The following IGSF10 variants were observed in gnomAD, a reference collection of about 807,000 sequenced individuals.
IGSF10 encodes immunoglobulin superfamily member 10.
A neutral mutation model predicts 128.2 loss-of-function variants in IGSF10; 126 were observed. The ratio of observed to expected loss-of-function variants is 0.98; its 90% CI spans 0.85 to 1.14. The LOEUF (loss-of-function observed/expected upper bound fraction) is 1.14. IGSF10 is among the 50% of genes most tolerant of loss of function. The pLI is 0.00. For synonymous variants in IGSF10, 1,185 were observed against 1,146.2 expected (o/e 1.03, Z -0.68); for missense variants, 3,295 against 3,149.8 (o/e 1.05, Z -1.10).
the IGSF10 span, among the ~76,000 whole-genome samples, chr3:151,540,861 G>A: frequency 2.0e-5 from 3 of 152,278 alleles, no homozygotes; most frequent in Admixed American, 2.0e-4. Flanking sequence ...ATGGCAAAAG[G>A]AACTTTCAGA....
chr3:151,457,412 T>TTA (rs1232316287), intron 3 of IGSF10, among the ~76,000 whole-genome samples: 1 of 152,180 alleles, frequency 6.6e-6, no homozygotes, highest in Non-Finnish European at 1.5e-5. Context: ...TTTCAAACTT[T>TTA]TATATATATG....
chr3:151,610,495 C>G, the IGSF10 span, among the ~76,000 whole-genome samples: 2 of 152,076 alleles, frequency 1.3e-5, no homozygotes, highest in Non-Finnish European at 2.9e-5. Flanking sequence ...GCTAGTCAGA[C>G]TTTCTTAGAT....
At chr3:151,497,579 C>G in the IGSF10 span, among the ~76,000 whole-genome samples, 1 of 152,098 alleles carries the variant, frequency 6.6e-6, no homozygotes, top group African/African-American at 2.4e-5. Context: ...GTTACTGTAG[C>G]CTTGTAGTAT....
chr3:151,446,754 G>T lies in IGSF10; in HGVS notation c.3227C>A (p.Thr1076Lys), dbSNP rs1484122911. 2 of 1,614,160 alleles carry T rather than the reference G, an allele frequency of 1.2e-6. No individual in the cohort carries two copies. Among genetic ancestry groups the T allele is most frequent in the Non-Finnish European group, 1.7e-6 (2 of 1,180,004 alleles). ...AGCACTTGGAAAAGACAATGCTGCT[G>T]TGGCAGTGGTGAGCCTCTCCCTGGG... ...CLPRERLTTATAALSFPSAAP... is the reference protein window; with the variant it reads ...CLPRERLTTAKAALSFPSAAP... Residue 1076 changes from threonine to lysine, a missense_variant, in exon 6 of 8, where the codon ACA becomes AAA. Thr to Lys is a moderately conservative substitution (Grantham distance 78). Transcript: ENST00000282466.
At chr3:151,563,159 T>C in the IGSF10 span, among the ~76,000 whole-genome samples, 1 of 152,036 alleles carries the variant, frequency 6.6e-6, no homozygotes, top group African/African-American at 2.4e-5. Flanking sequence ...GTTAATGCTC[T>C]CAGGTGTGTC....
At chr3:151,435,145 C>T (rs1028366167), downstream of IGSF10, 1 of 149,506 alleles carries the variant, frequency 6.7e-6, no homozygotes, top group African/African-American at 2.5e-5. Flanking sequence ...TGTGGCAGAA[C>T]CTGGTACTTT....
At chr3:151,573,517 T>A in the IGSF10 span, among the ~76,000 whole-genome samples, 1 of 152,230 alleles carries the variant, frequency 6.6e-6, no homozygotes, top group Non-Finnish European at 1.5e-5. Context: ...TTTGTTGGTT[T>A]AAAGTGTGTT....
the IGSF10 span, among the ~76,000 whole-genome samples, chr3:151,600,889 C>A: frequency 6.6e-6 from 1 of 152,044 alleles, no homozygotes. Flanking sequence ...GTTTAAAGGT[C>A]ATTTCCTTTT....
chr3:151,575,377 C>T, the IGSF10 span, among the ~76,000 whole-genome samples: 1 of 152,168 alleles, frequency 6.6e-6, no homozygotes. Flanking sequence ...CGGTGGGCTC[C>T]ATCTAGTTCG....
chr3:151,538,857 CA>C, the IGSF10 span, among the ~76,000 whole-genome samples: 7 of 152,080 alleles, frequency 4.6e-5, no homozygotes, highest in Non-Finnish European at 1.0e-4. Context: ...TCACAGGCAG[CA>C]AGGGCTCAGG....
rs770450966 is a variant in IGSF10 at position 151,448,701 on chromosome 3, G to A, written c.1280C>T (p.Ser427Phe). ...NIEADLRADP[S>F]WLMQDQISLQ... ...GGAAATTTGGTCTTGCATTAACCAAGAGGGATCTGCTCTGAGATCTGCCTC... is the reference window on the plus strand; with the variant it reads ...GGAAATTTGGTCTTGCATTAACCAAAAGGGATCTGCTCTGAGATCTGCCTC... The change falls in exon 6 of 8, where the codon TCT becomes TTT. Residue 427 changes from serine (S) to phenylalanine (F), a missense_variant. Physicochemically the swap from Ser to Phe is radical, Grantham distance 155. Coordinates refer to ENST00000282466, the MANE Select transcript of IGSF10 (RefSeq NM_178822.5). 2.5e-6 allele frequency: 4 copies of A among 1,614,130 alleles called. No individual in the cohort carries two copies. The highest frequency in any genetic ancestry group is 2.2e-5 in the South Asian group (2 of 91,078).
At position 151,436,670 on chromosome 3, in the gene IGSF10, T is replaced by C. The variant is rs1720264575; in HGVS notation, c.*19A>G. The C allele has an allele frequency of 1.3e-6, 2 of 1,531,780 alleles. No homozygotes were observed. Among genetic ancestry groups the C allele is most frequent in the Middle Eastern group, 3.7e-4 (2 of 5,406 alleles). The allele number at this position is 1,531,780 out of a possible 1,614,324, so 94.9% of individuals were successfully genotyped here. A position where few individuals can be genotyped will look rare whatever the true frequency, so the allele number is the denominator to read the frequency against. On this transcript the variant is annotated 3_prime_UTR_variant, in exon 8 of 8. Coordinates refer to ENST00000282466, the MANE Select transcript of IGSF10 (RefSeq NM_178822.5). ...AAAAATAAATTCTGCCCAGATGTTGTTGACTTTATTATTTCATGTCAGATT... is the reference window on the plus strand; with the variant it reads ...AAAAATAAATTCTGCCCAGATGTTGCTGACTTTATTATTTCATGTCAGATT...
chr3:151,549,971 T>C, the IGSF10 span, among the ~76,000 whole-genome samples: 6 of 152,258 alleles, frequency 3.9e-5, no homozygotes, highest in African/African-American at 1.4e-4. Context: ...TAAATATACA[T>C]GTTGATTGTA....
chr3:151,505,194 C>T, the IGSF10 span, among the ~76,000 whole-genome samples: 4 of 152,176 alleles, frequency 2.6e-5, no homozygotes, highest in Non-Finnish European at 4.4e-5. Flanking sequence ...GTTTAATTGA[C>T]TCACAGTTCT....
At chr3:151,442,546 AAT>A (rs1491284733) in intron 7 of IGSF10, among the ~76,000 whole-genome samples, 2 of 35,504 alleles carry the variant, frequency 5.6e-5, no homozygotes, top group Non-Finnish European at 9.9e-5. Context: ...ATGCCCGGCT[AAT>A]TTTTTTTTTT....
Position 151,443,971 on chromosome 3 carries a change from A to G in IGSF10, c.5063-87T>C, listed in dbSNP as rs543296659. On this transcript the variant is annotated intron_variant, in intron 6 of 7. Coordinates refer to ENST00000282466, the MANE Select transcript of IGSF10 (RefSeq NM_178822.5). Reference sequence around the variant, plus strand: ...GCTATCGTTTTTTGGGCTACTAAGAATACATTTAAATTAAAATGAAAGCCC... The same window carrying G: ...GCTATCGTTTTTTGGGCTACTAAGAGTACATTTAAATTAAAATGAAAGCCC... 6 of 1,026,174 alleles carry G rather than the reference A, an allele frequency of 5.8e-6. No homozygotes were observed. The African/African-American group carries it at 8.1e-5, about 14-fold the overall frequency. 63.6% of individuals were successfully genotyped at this position (1,026,174 alleles called of 1,614,324 possible). A position where few individuals can be genotyped will look rare whatever the true frequency, so the allele number is the denominator to read the frequency against.
Position 151,436,346 on chromosome 3 carries a change from T to C in IGSF10, c.*343A>G, listed in dbSNP as rs541761582. 20 of 191,492 alleles carry C rather than the reference T, an allele frequency of 1.0e-4. No homozygotes were observed. The highest frequency in any genetic ancestry group is 2.5e-3 in the Middle Eastern group (1 of 394). The allele number at this position is 191,492 out of a possible 1,614,324, so 11.9% of individuals were successfully genotyped here. ...CCATGCTTGTAACATTGATAGGAGGTGGACACTAGGCAACTGGTATTAGAA... is the reference window on the plus strand; with the variant it reads ...CCATGCTTGTAACATTGATAGGAGGCGGACACTAGGCAACTGGTATTAGAA... On this transcript the variant is annotated 3_prime_UTR_variant, in exon 8 of 8. Transcript: ENST00000282466.
the IGSF10 span, among the ~76,000 whole-genome samples, chr3:151,558,005 A>AATATATATTATATATATATATATT: frequency 3.5e-4 from 14 of 39,548 alleles, no homozygotes; most frequent in African/African-American, 1.7e-3. Context: ...AAGTATATAT[A>AATATATATTATATATATATATATT]ATATATATAT....
rs1194816830 is a variant in IGSF10 at position 151,448,513 on chromosome 3, C to T, written c.1468G>A (p.Gly490Ser). 6.2e-7 allele frequency: 1 copy of T among 1,614,228 alleles called. No homozygotes were observed. Among genetic ancestry groups the T allele is most frequent in the Admixed American group, 1.7e-5 (1 of 60,034 alleles). The change falls in exon 6 of 8, where the codon GGT (glycine) becomes AGT (serine). Residue 490 changes from glycine (G) to serine (S), a missense_variant. By Grantham distance (56) the Gly-to-Ser change is moderately conservative. Transcript: ENST00000282466. ...GGGCAGTTCAGGCCAACGGTTCCAC[C>T]TACCAAGACAGTATGTTCCAGCTTA... ...NTKLEHTVLV[G>S]GTVGLNCPGQ...
Sources: gnomAD v4.1 joint callset for allele counts (sites outside exome capture counted in the v4.1 genomes callset) on GRCh38, gnomAD v4.1.1 for gene constraint, MANE v1.5 for transcripts, NCBI Gene and HGNC (gene_info 2026-07-23, HGNC 2026-07-21) for gene names.